The following COL15A1 variants were observed in gnomAD, a reference collection of about 807,000 sequenced individuals.
COL15A1 encodes collagen alpha-1(XV) chain.
In COL15A1, 111 loss-of-function variants were observed where a neutral mutation model predicts 165.9. The observed-to-expected ratio is 0.67, with a 90% CI of 0.57 to 0.78. The LOEUF (loss-of-function observed/expected upper bound fraction) is 0.78. Ranked by LOEUF, COL15A1 falls within the 30% of genes least tolerant of loss-of-function variation. The pLI, the probability that COL15A1 is intolerant of heterozygous loss-of-function variation, is 0.00. For missense variants in COL15A1, 1,745 were observed against 1,789.7 expected, an observed-to-expected ratio of 0.98 and a Z score of 0.45; for synonymous variants, 659 against 674.8, an observed-to-expected ratio of 0.98 and a Z score of 0.36.
At chr9:98,980,378 A>C (rs774481593) in intron 2 of COL15A1, among the ~76,000 whole-genome samples, 13 of 152,318 alleles carry the variant, frequency 8.5e-5, no homozygotes, top group Admixed American at 2.6e-4. Flanking sequence ...TGGGTGCGGG[A>C]GGTGAAGCGA....
chr9:98,958,418 A>T (rs148878978), intron 2 of COL15A1, among the ~76,000 whole-genome samples: 11 of 152,256 alleles, frequency 7.2e-5, no homozygotes, highest in African/African-American at 2.4e-4. Flanking sequence ...ACTGCCCAGC[A>T]ACTGTGTGTA....
At position 98,963,849 on chromosome 9, in the gene COL15A1, C is replaced by T. The variant is rs188507278; in HGVS notation, c.100+19599C>T. Among the ~76,000 whole-genome samples the T allele has an allele frequency of 1.9e-3, 296 of 152,296 alleles. 1 individual carries two copies. The highest frequency in any genetic ancestry group is 0.01 in the Middle Eastern group (3 of 294). On this transcript the variant is annotated intron_variant, in intron 2 of 41. Coordinates refer to ENST00000375001, the MANE Select transcript of COL15A1 (RefSeq NM_001855.5). ...CCATCCCACAAAGTTAAGGTCATGC[C>T]CATCCCGTTCACCCCAAATCTCCAT...
At chr9:99,034,265 T>A (rs575337810) in intron 16 of COL15A1, among the ~76,000 whole-genome samples, 4 of 152,252 alleles carry the variant, frequency 2.6e-5, no homozygotes, top group African/African-American at 9.6e-5. Flanking sequence ...CCAAGCGAAA[T>A]CTTCTATGAT....
chr9:99,015,619 T>G, intron 10 of COL15A1, 53 bp downstream of exon 10: 1 of 1,561,072 alleles, frequency 6.4e-7, no homozygotes. Context: ...CAGGTCTGCA[T>G]CATGCGACAA....
Position 99,036,324 on chromosome 9 carries a change from G to C in COL15A1, c.2337G>C (p.Gly779=). ...GCTGCTTTGACCAGGGAGAAAGGGGGATGGATGGAGCCAGTATTGTGGGAC... is the reference window on the plus strand; with the variant it reads ...GCTGCTTTGACCAGGGAGAAAGGGGCATGGATGGAGCCAGTATTGTGGGAC... The part of the protein sequence containing the change: ...KGDRGPKGER[G]MDGASIVGPP... Residue 779 remains glycine (G), a synonymous_variant, in exon 21 of 42, where the codon GGG becomes GGC. Coordinates refer to ENST00000375001, the MANE Select transcript of COL15A1 (RefSeq NM_001855.5). 2 of 1,614,126 alleles carry C rather than the reference G, an allele frequency of 1.2e-6. No homozygotes were observed. The highest frequency in any genetic ancestry group is 1.7e-6 in the Non-Finnish European group (2 of 1,180,020).
Position 99,035,098 on chromosome 9 carries a change from C to T in COL15A1, c.2164C>T (p.Pro722Ser). The change falls in exon 18 of 42, where the codon CCT becomes TCT. Residue 722 changes from proline (P) to serine (S), a missense_variant. Coordinates refer to ENST00000375001, the MANE Select transcript of COL15A1 (RefSeq NM_001855.5). Reference protein sequence around the residue: ...GPPGVMGPPGPPGPPGPPGPG... With the variant: ...GPPGVMGPPGSPGPPGPPGPG... ...TCCTGGGGTCATGGGACCCCCAGGG[C>T]CTCCTGGACCCCCTGGGCCCCCAGG... 1 of 1,601,970 alleles carries T rather than the reference C, an allele frequency of 6.2e-7. No individual in the cohort carries two copies. Among genetic ancestry groups the T allele is most frequent in the Non-Finnish European group, 8.5e-7 (1 of 1,170,404 alleles).
At chr9:98,965,473 C>T (rs1013677021) in intron 2 of COL15A1, among the ~76,000 whole-genome samples, 2 of 152,212 alleles carry the variant, frequency 1.3e-5, no homozygotes, top group Non-Finnish European at 2.9e-5. Context: ...GCTAATGCAC[C>T]TAAGTGCTGA....
rs775096016 is a variant in COL15A1 at position 99,020,471 on chromosome 9, C to G, written c.1701+29C>G. On this transcript the variant is annotated intron_variant, in intron 12 of 41. Transcript: ENST00000375001. Reference sequence around the variant, plus strand: ...TGTGCTGTGACCATCCTGGGGAACACTTTGGCTCCTGATCAAGTGTCCTGA... The same window carrying G: ...TGTGCTGTGACCATCCTGGGGAACAGTTTGGCTCCTGATCAAGTGTCCTGA... 3.3e-6 allele frequency: 5 copies of G among 1,526,496 alleles called. No individual in the cohort carries two copies. In the East Asian group the frequency reaches 1.1e-4, roughly 34 times the overall value. The allele number at this position is 1,526,496 out of a possible 1,614,324, so 94.6% of individuals were successfully genotyped here.
chr9:99,034,476 G>T lies in COL15A1; in HGVS notation c.2044-73G>T, dbSNP rs1328295509. 2.6e-6 allele frequency: 4 copies of T among 1,511,498 alleles called. No homozygotes were observed. The African/African-American group carries it at 4.3e-5, about 16-fold the overall frequency. The allele number at this position is 1,511,498 out of a possible 1,614,324, so 93.6% of individuals were successfully genotyped here. On this transcript the variant is annotated intron_variant, in intron 16 of 41. Transcript: ENST00000375001. Reference sequence around the variant, plus strand: ...TCCTATTTCCTTGGAGTCCATAATTGTGCATTGTCTTCAGAACACACCTCA... The same window carrying T: ...TCCTATTTCCTTGGAGTCCATAATTTTGCATTGTCTTCAGAACACACCTCA...
intron 35 of COL15A1, 119 bp from the exon 36 acceptor site, chr9:99,059,770 G>A (rs1825779848): frequency 1.8e-6 from 2 of 1,084,762 alleles, no homozygotes; most frequent in Non-Finnish European, 2.7e-6. Context: ...GTGGAAGTTG[G>A]GATGCTTTGT....
intron 16 of COL15A1, among the ~76,000 whole-genome samples, chr9:99,032,617 T>C (rs1230274198): frequency 1.3e-5 from 2 of 152,348 alleles, no homozygotes; most frequent in African/African-American, 4.8e-5. Context: ...AACACTGCAT[T>C]CCTTCTTTCT....
At chr9:99,038,202 G>A (rs773085611) in intron 21 of COL15A1, among the ~76,000 whole-genome samples, 1 of 152,130 alleles carries the variant, frequency 6.6e-6, no homozygotes, top group Non-Finnish European at 1.5e-5. Context: ...GTGTAAATTG[G>A]CCCCTTTGGA....
intron 23 of COL15A1, among the ~76,000 whole-genome samples, chr9:99,041,742 G>A (rs573472083): frequency 1.8e-4 from 27 of 152,280 alleles, no homozygotes; most frequent in African/African-American, 1.7e-4. Context: ...TGGAGGAGCC[G>A]TGGGGCAAGC....
At chr9:99,045,181 C>A (rs928522) in intron 26 of COL15A1, among the ~76,000 whole-genome samples, 1 of 152,008 alleles carries the variant, frequency 6.6e-6, no homozygotes, top group African/African-American at 2.4e-5. Flanking sequence ...AAAACCCAGA[C>A]GCTTGTGGCC....
At chr9:98,970,884 CTA>C (rs1461866444) in intron 2 of COL15A1, among the ~76,000 whole-genome samples, 1 of 151,926 alleles carries the variant, frequency 6.6e-6, no homozygotes, top group African/African-American at 2.4e-5. Context: ...ATTTGTATAT[CTA>C]TGTGTTAGTT....
In COL15A1 at chr9:99,062,263, A is replaced by C. The variant is rs138347793; in HGVS notation, c.3550A>C (p.Ile1184Leu). ...CTTAAAGCTGGGAGAACTGATCCCC[A>C]TTCCTGCCGACAGCCCTCCACCCCC... The part of the protein sequence containing the change: ...KKLQLGELIP[I>L]PADSPPPPAL... The change falls in exon 38 of 42, where the codon ATT becomes CTT. Residue 1184 changes from isoleucine (I) to leucine (L), a missense_variant. Physicochemically the swap from Ile to Leu is conservative, Grantham distance 5. Transcript: ENST00000375001. 4.8e-4 allele frequency: 767 copies of C among 1,613,822 alleles called. 1 individual carries two copies. The highest frequency in any genetic ancestry group is 6.3e-4 in the Non-Finnish European group (738 of 1,179,698).
At chr9:99,036,475 A>C (rs1839304507) in intron 21 of COL15A1, 79 bp downstream of exon 21, 16 of 1,492,758 alleles carry the variant, frequency 1.1e-5, no homozygotes, top group African/African-American at 1.4e-5. Context: ...CCATGACTTC[A>C]AAGCTTCTGG....
chr9:99,069,426 G>A (rs183139179), intron 41 of COL15A1, among the ~76,000 whole-genome samples: 2 of 152,256 alleles, frequency 1.3e-5, no homozygotes, highest in East Asian at 3.9e-4. Flanking sequence ...TCCAGACCAA[G>A]GGACCCCATG....
chr9:99,048,947 TTTTGC>T (rs1242946081), intron 28 of COL15A1, among the ~76,000 whole-genome samples: 2 of 152,084 alleles, frequency 1.3e-5, no homozygotes, highest in East Asian at 3.9e-4. Flanking sequence ...GCCACACTGC[TTTTGC>T]TTTGTATGCC....
Sources: gnomAD v4.1 joint callset for allele counts (sites outside exome capture counted in the v4.1 genomes callset) on GRCh38, gnomAD v4.1.1 for gene constraint, MANE v1.5 for transcripts, NCBI Gene and HGNC (gene_info 2026-07-23, HGNC 2026-07-21) for gene names.